The following CSPP1 variants were observed in gnomAD, a reference collection of about 807,000 sequenced individuals.
CSPP1 encodes centrosome and spindle pole-associated protein 1.
In CSPP1, 126 loss-of-function variants were observed where a neutral mutation model predicts 164.4. That is an observed-to-expected ratio of 0.77 (90% CI 0.66 to 0.89). CSPP1 has a LOEUF of 0.89. Ranked by LOEUF, CSPP1 falls within the 40% of genes least tolerant of loss-of-function variation. CSPP1 has a pLI of 0.00. For missense variants in CSPP1, 1,395 were observed against 1,449.8 expected, an observed-to-expected ratio of 0.96 and a Z score of 0.61; for synonymous variants, 472 against 476.7, an observed-to-expected ratio of 0.99 and a Z score of 0.13.
intron 9 of CSPP1, among the ~76,000 whole-genome samples, chr8:67,110,593 C>T (rs556559548): frequency 1.3e-3 from 204 of 152,298 alleles, no homozygotes; most frequent in African/African-American, 4.7e-3. Context: ...TCTTTTTATG[C>T]TTCCTATTGG....
At chr8:67,141,341 T>C (rs1235451116) in intron 17 of CSPP1, among the ~76,000 whole-genome samples, 1 of 152,208 alleles carries the variant, frequency 6.6e-6, no homozygotes, top group African/African-American at 2.4e-5. Context: ...AAATGCTTCT[T>C]AGATTTCAAT....
intron 15 of CSPP1, among the ~76,000 whole-genome samples, chr8:67,130,707 G>T (rs1469668447): frequency 1.3e-5 from 2 of 152,140 alleles, no homozygotes; most frequent in African/African-American, 4.8e-5. Context: ...ATAAAATCAG[G>T]CTGGGCGCAG....
chr8:67,154,233 C>T, intron 19 of CSPP1, 97 bp downstream of exon 19: 2 of 641,722 alleles, frequency 3.1e-6, no homozygotes, highest in South Asian at 1.9e-5. Context: ...TTCTAAAATG[C>T]CATACTGTTA....
chr8:67,186,970 C>CATCTATCT (rs59504632), intron 28 of CSPP1, among the ~76,000 whole-genome samples: 6,366 of 149,828 alleles, frequency 0.042, 146 homozygotes, highest in East Asian at 0.075. Context: ...ATCTATCTAT[C>CATCTATCT]ATCTATCTAT....
At chr8:67,096,341 C>T (rs1028413601) in intron 7 of CSPP1, among the ~76,000 whole-genome samples, 3 of 151,624 alleles carry the variant, frequency 2.0e-5, no homozygotes, top group African/African-American at 4.8e-5. Flanking sequence ...CCGAGGCGGG[C>T]GGATCGCGAG....
At chr8:67,188,465 A>G (rs939079414) in intron 28 of CSPP1, among the ~76,000 whole-genome samples, 7 of 152,220 alleles carry the variant, frequency 4.6e-5, no homozygotes, top group Admixed American at 2.0e-4. Flanking sequence ...GTGAAATCAT[A>G]TATCGCCTGA....
At chr8:67,083,548 A>AAAAAAATATATATATATAT (rs1332248754) in intron 3 of CSPP1, 3 of 91,482 alleles carry the variant, frequency 3.3e-5, no homozygotes, top group African/African-American at 1.3e-4. Flanking sequence ...AAAAAAAAAA[A>AAAAAAATATATATATATAT]ATATATATAT....
intron 25 of CSPP1, chr8:67,172,880 T>C (rs961775306): frequency 1.3e-4 from 24 of 181,396 alleles, no homozygotes; most frequent in Admixed American, 6.1e-5. Flanking sequence ...TGAAAAATAC[T>C]GAGGAGAAGC....
chr8:67,111,191 T>G (rs1816770070), intron 9 of CSPP1, among the ~76,000 whole-genome samples: 1 of 152,194 alleles, frequency 6.6e-6, no homozygotes, highest in Non-Finnish European at 1.5e-5. Context: ...GGTTATTTTG[T>G]GGCATTAACA....
intron 30 of CSPP1, among the ~76,000 whole-genome samples, chr8:67,194,145 A>G (rs1837204253): frequency 1.3e-5 from 2 of 151,894 alleles, no homozygotes; most frequent in Non-Finnish European, 2.9e-5. Flanking sequence ...TTCCTTAGAC[A>G]CCTAACAAGC....
chr8:67,115,461 C>G (rs536969395), intron 12 of CSPP1, among the ~76,000 whole-genome samples: 1 of 152,268 alleles, frequency 6.6e-6, no homozygotes, highest in South Asian at 2.1e-4. Flanking sequence ...GGTCGGATCA[C>G]TTGAGGCCAG....
Position 67,064,515 on chromosome 8 carries a change from C to G in CSPP1, c.-34C>G, listed in dbSNP as rs117210747. The G allele has an allele frequency of 0.036, 58,842 of 1,612,626 alleles. 1,289 individuals carry two copies. The highest frequency in any genetic ancestry group is 0.044 in the Non-Finnish European group (51,551 of 1,179,516). On this transcript the variant is annotated 5_prime_UTR_variant, in exon 1 of 31. Coordinates refer to ENST00000678616, the MANE Select transcript of CSPP1 (RefSeq NM_001382391.1). Reference sequence around the variant, plus strand: ...CCCCTGAGTAAGAGTCAGCCAGCCGCGGATGGGGAGCGTGAGTGGCGAGGT... The same window carrying G: ...CCCCTGAGTAAGAGTCAGCCAGCCGGGGATGGGGAGCGTGAGTGGCGAGGT...
At position 67,076,085 on chromosome 8, in the gene CSPP1, C is replaced by CT. The variant is rs893059518; in HGVS notation, c.100-385dup. Reference sequence around the variant, plus strand: ...TTCTGGGCCTCCTTACTTTAATCTGCTTTTTTTTTTTTCCATAACCACTTC... The same window carrying CT: ...TTCTGGGCCTCCTTACTTTAATCTGCTTTTTTTTTTTTTCCATAACCACTTC... On this transcript the variant is annotated intron_variant, in intron 2 of 30. Transcript: ENST00000678616. Among the ~76,000 whole-genome samples the CT allele has an allele frequency of 3.7e-3, 535 of 144,600 alleles. 7 individuals carry two copies. In the East Asian group the frequency reaches 0.049, roughly 13 times the overall value. The allele number at this position is 144,600 out of a possible 152,430, so 94.9% of individuals were successfully genotyped here.
chr8:67,099,270 A>G (rs151202709), intron 7 of CSPP1: 146 of 152,250 alleles, frequency 9.6e-4, no homozygotes, highest in African/African-American at 3.4e-3. Flanking sequence ...GTGAACTTAT[A>G]TATTAAAAGC....
intron 18 of CSPP1, 137 bp from the exon 19 acceptor site, chr8:67,153,887 A>G (rs975490212): frequency 3.7e-6 from 2 of 543,414 alleles, no homozygotes; most frequent in African/African-American, 4.0e-5. Context: ...TCTAATCTCA[A>G]CCTTCCCCTT....
In CSPP1 at chr8:67,192,062, ATTTGTTTTTTTT is replaced by A. The variant is rs374591060; in HGVS notation, c.3330+1319_3330+1330del. On this transcript the variant is annotated intron_variant, in intron 29 of 30. Coordinates refer to ENST00000678616, the MANE Select transcript of CSPP1 (RefSeq NM_001382391.1). ...ATATGTCTATTCAAATCCTTTGCTG[ATTTGTTTTTTTT>A]TTTGTTTTTTTTTTTTGATACAGAG... 9.4e-3 allele frequency among the ~76,000 whole-genome samples: 1,267 copies of A among 134,934 alleles called. 13 individuals carry two copies. Among genetic ancestry groups the A allele is most frequent in the African/African-American group, 0.033 (1,186 of 35,514 alleles). 88.5% of individuals were successfully genotyped at this position (134,934 alleles called of 152,430 possible).
At chr8:67,068,946 G>T (rs1806146040) in intron 1 of CSPP1, among the ~76,000 whole-genome samples, 3 of 152,058 alleles carry the variant, frequency 2.0e-5, no homozygotes, top group Admixed American at 1.3e-4. Flanking sequence ...TACAGCATTA[G>T]CCTCCCCCTA....
At chr8:67,188,648 G>A (rs1034991579) in intron 28 of CSPP1, among the ~76,000 whole-genome samples, 4 of 152,024 alleles carry the variant, frequency 2.6e-5, no homozygotes, top group Non-Finnish European at 5.9e-5. Flanking sequence ...CTGAGCTTTC[G>A]CTTGCTGTCC....
At chr8:67,068,940 G>A (rs909075711) in intron 1 of CSPP1, among the ~76,000 whole-genome samples, 7 of 152,114 alleles carry the variant, frequency 4.6e-5, no homozygotes, top group South Asian at 2.1e-4. Flanking sequence ...ACCAGTTACA[G>A]CATTAGCCTC....
Sources: gnomAD v4.1 joint callset for allele counts (sites outside exome capture counted in the v4.1 genomes callset) on GRCh38, gnomAD v4.1.1 for gene constraint, MANE v1.5 for transcripts, NCBI Gene and HGNC (gene_info 2026-07-23, HGNC 2026-07-21) for gene names.